HCCS: variants seen among roughly 807,000 people sequenced by gnomAD.
HCCS encodes the protein holocytochrome c synthase.
Under a neutral mutation model 24.2 loss-of-function variants are expected in HCCS, and 2 were observed. The ratio of observed to expected loss-of-function variants is 0.08; its 90% CI spans 0.03 to 0.26. The LOEUF (loss-of-function observed/expected upper bound fraction) is 0.26. HCCS is among the 10% of genes least tolerant of loss of function. The probability of loss-of-function intolerance (pLI) is 1.00; values close to 1 mark genes in which losing one functional copy is unlikely to be tolerated. For synonymous variants in HCCS, 73 were observed against 76.2 expected (o/e 0.96, Z 0.22); for missense variants, 150 against 213.3 (o/e 0.70, Z 1.85).
intron 5 of HCCS, among the ~76,000 whole-genome samples, 167 bp downstream of exon 5, chrX:11,118,787 G>C (rs892813586): frequency 1.8e-5 from 2 of 112,081 alleles, no homozygotes; most frequent in Non-Finnish European, 3.8e-5. Context: ...TTGAAAAATA[G>C]CAACCATTTT....
chrX:11,119,281 AAG>A (rs1283009553), intron 5 of HCCS, among the ~76,000 whole-genome samples: 2 of 112,008 alleles, frequency 1.8e-5, no homozygotes, highest in Non-Finnish European at 3.8e-5. Flanking sequence ...ACTAAACACA[AAG>A]AGATGTCTTA....
intron 1 of HCCS, among the ~76,000 whole-genome samples, 165 bp from the exon 2 acceptor site, chrX:11,111,854 A>G (rs1266387760): frequency 8.9e-6 from 1 of 112,556 alleles, no homozygotes; most frequent in African/African-American, 3.2e-5. Context: ...GTTTCACAGT[A>G]TTTCCCTAAG....
intron 2 of HCCS, among the ~76,000 whole-genome samples, chrX:11,113,896 G>A: frequency 8.9e-6 from 1 of 112,160 alleles, no homozygotes; most frequent in Admixed American, 9.4e-5. Context: ...GAGGAGAAGT[G>A]CAGGGAAGGA....
intron 3 of HCCS, among the ~76,000 whole-genome samples, chrX:11,116,934 C>T (rs186573825): frequency 2.7e-5 from 3 of 112,628 alleles, no homozygotes; most frequent in Non-Finnish European, 3.7e-5. Context: ...AAAAGCTTGT[C>T]GTAAAGTTTT....
At chrX:11,120,225 A>G (rs1279033411) in intron 5 of HCCS, among the ~76,000 whole-genome samples, 1 of 111,493 alleles carries the variant, frequency 9.0e-6, no homozygotes, top group African/African-American at 3.3e-5. Flanking sequence ...CTGTCTGTCT[A>G]GCCTGTAGGT....
At chrX:11,114,502 T>G (rs778931776) in intron 2 of HCCS, among the ~76,000 whole-genome samples, 1 of 112,446 alleles carries the variant, frequency 8.9e-6, no homozygotes, top group Non-Finnish European at 1.9e-5. Context: ...GCTCCCCAGC[T>G]GCTCATCCAG....
At chrX:11,112,238 A>T (rs945618746) in intron 2 of HCCS, 78 bp downstream of exon 2, 9 of 785,542 alleles carry the variant, frequency 1.1e-5, no homozygotes, top group Non-Finnish European at 1.7e-5. Flanking sequence ...CTGTGACAGC[A>T]CTTTGGGAGG....
chrX:11,113,051 G>A (rs1327565164), intron 2 of HCCS, among the ~76,000 whole-genome samples: 1 of 112,777 alleles, frequency 8.9e-6, no homozygotes, highest in African/African-American at 3.2e-5. Flanking sequence ...ATCACTTAAC[G>A]GGCTTGCTGT....
chrX:11,114,785 T>G (rs771736706), intron 2 of HCCS, 50 bp from the exon 3 acceptor site: 2 of 1,116,442 alleles, frequency 1.8e-6, no homozygotes, highest in East Asian at 6.0e-5. Context: ...TTGAGAGAGT[T>G]AGATGTCCTG....
chrX:11,118,763 G>A, intron 5 of HCCS, 143 bp downstream of exon 5: 1 of 635,615 alleles, frequency 1.6e-6, no homozygotes, highest in Non-Finnish European at 2.5e-6. Context: ...TGCATGACAG[G>A]CCACCCTTCT....
intron 2 of HCCS, 64 bp from the exon 3 acceptor site, chrX:11,114,771 C>G: frequency 9.8e-7 from 1 of 1,020,375 alleles, no homozygotes; most frequent in Non-Finnish European, 1.4e-6. Flanking sequence ...CTTTAGTGCT[C>G]CAATTGAGAG....
At chrX:11,121,037 G>A (rs751370905) in intron 6 of HCCS, 44 bp downstream of exon 6, 3 of 1,036,294 alleles carry the variant, frequency 2.9e-6, no homozygotes, top group Admixed American at 4.4e-5. Context: ...CCTCAGGTCA[G>A]GGTCAACTTT....
Position 11,111,340 on chromosome X carries a change from G to A in HCCS, c.-221G>A, listed in dbSNP as rs545818895. The A allele has an allele frequency of 5.6e-5, 9 of 160,069 alleles. No homozygotes were observed. In the South Asian group the frequency reaches 7.3e-4, roughly 13 times the overall value. 13.2% of individuals were successfully genotyped at this position (160,069 alleles called of 1,213,427 possible). ...CGGCGGTGACCGCAGCCACAGCGGT[G>A]ACCGAGTGAGAGGAAGGCGGCGGCG... On this transcript the variant is annotated 5_prime_UTR_variant, in exon 1 of 7. Coordinates refer to ENST00000380762, the MANE Select transcript of HCCS (RefSeq NM_005333.5).
chrX:11,121,143 C>T, intron 6 of HCCS, 150 bp downstream of exon 6: 1 of 537,993 alleles, frequency 1.9e-6, no homozygotes, highest in Non-Finnish European at 3.3e-6. Flanking sequence ...TGAGGTTTGC[C>T]CATTAATGGG....
Position 11,114,928 on chromosome X carries a change from A to G in HCCS, c.194A>G (p.Glu65Gly), listed in dbSNP as rs747789460. Residue 65 changes from glutamate (E) to glycine (G), a missense_variant, in exon 3 of 7, where the codon GAG becomes GGG. Physicochemically the swap from Glu to Gly is moderately conservative, Grantham distance 98 (BLOSUM62 -2). Around this residue, in one of 2 missense-constraint regions of HCCS, gnomAD observed 95 missense variants for 79.1 expected, o/e 1.20. Coordinates refer to ENST00000380762, the MANE Select transcript of HCCS (RefSeq NM_005333.5). ...CAGGAACGCGCCTATGAGTACGTGGAGTGTCCCATTAGGGGCACTGCGGCT... is the reference window on the plus strand; with the variant it reads ...CAGGAACGCGCCTATGAGTACGTGGGGTGTCCCATTAGGGGCACTGCGGCT... ...AHQERAYEYV[E>G]CPIRGTAAEN... 7.5e-6 allele frequency: 9 copies of G among 1,205,999 alleles called. No individual in the cohort carries two copies. The South Asian group carries it at 1.6e-4, about 21-fold the overall frequency.
chrX:11,119,104 C>T (rs1445256143), intron 5 of HCCS, among the ~76,000 whole-genome samples: 3 of 111,732 alleles, frequency 2.7e-5, no homozygotes, highest in African/African-American at 9.8e-5. Context: ...GAAGCCTGCC[C>T]AGATTCAAGG....
Position 11,117,357 on chromosome X carries a change from G to C in HCCS, c.343G>C (p.Glu115Gln), listed in dbSNP as rs771870658. The C allele has an allele frequency of 6.6e-6, 8 of 1,209,096 alleles. No homozygotes were observed. The highest frequency in any genetic ancestry group is 9.0e-6 in the Non-Finnish European group (8 of 892,911). The change falls in exon 4 of 7, where the codon GAG becomes CAG. Residue 115 changes from glutamate to glutamine, a missense_variant. By Grantham distance (29) the Glu-to-Gln change is conservative (BLOSUM62 2). This residue lies in a region of HCCS where 55 missense variants were observed against 134.2 expected (regional missense o/e 0.41). Transcript: ENST00000380762. Reference protein sequence around the residue: ...EESSIPRADSEKKWVYPSEQM... With the variant: ...EESSIPRADSQKKWVYPSEQM... ...GTCATCCATTCCGAGAGCAGATTCA[G>C]AGAAAAAGTGGGTTTACCCTTCTGA...
rs924100440 is a variant in HCCS at position 11,112,004 on chromosome X, T to C, written c.-42-15T>C. 1 of 859,744 alleles carries C rather than the reference T, an allele frequency of 1.2e-6. No individual in the cohort carries two copies. The highest frequency in any genetic ancestry group is 2.0e-5 in the African/African-American group (1 of 50,439). The allele number at this position is 859,744 out of a possible 1,213,427, so 70.9% of individuals were successfully genotyped here. On this transcript the variant is annotated splice_polypyrimidine_tract_variant and intron_variant, in intron 1 of 6. Transcript: ENST00000380762. The stretch of plus-strand genomic sequence containing the variant: ...CTGAGTCCAGAGACATTAATCTGTC[T>C]CTTTGTTTTGGCAGGTGGAAATTTA...
chrX:11,113,073 A>G (rs769842646), intron 2 of HCCS, among the ~76,000 whole-genome samples: 1 of 113,160 alleles, frequency 8.8e-6, no homozygotes, highest in Non-Finnish European at 1.9e-5. Context: ...CATTCTTTAG[A>G]TAAGAAAATG....
Sources: allele counts gnomAD v4.1 joint callset (sites outside exome capture counted in the v4.1 genomes callset), GRCh38; gene constraint gnomAD v4.1.1; regional missense constraint gnomAD v4.1.1; transcripts MANE v1.5; gene names NCBI Gene and HGNC (gene_info 2026-07-23, HGNC 2026-07-21).